Variants in CDC14A observed in about 807,000 individuals in gnomAD.
CDC14A encodes the protein cell division cycle 14A.
In CDC14A, 53 loss-of-function variants were observed where a neutral mutation model predicts 74.4. The observed-to-expected ratio is 0.71, with a 90% CI of 0.57 to 0.89. CDC14A has a LOEUF of 0.89. Among genes scored for constraint, CDC14A ranks in the 40% least tolerant of loss-of-function variants. CDC14A has a pLI of 0.00. For missense variants in CDC14A, 646 were observed against 713.7 expected (o/e 0.91, Z 1.08); for synonymous variants, 247 against 258.4 (o/e 0.96, Z 0.43).
In CDC14A at chr1:100,496,018, G is replaced by A; in HGVS notation, c.1267G>A (p.Gly423Arg). The change falls in exon 13 of 16, where the codon GGA becomes AGA. Residue 423 changes from glycine (G) to arginine (R), a missense_variant. By Grantham distance (125) the Gly-to-Arg change is moderately radical. Coordinates refer to ENST00000336454, the MANE Select transcript of CDC14A (RefSeq NM_003672.4). ...SCAFRSDDTK[G>R]HPRAVSQPFR... ...TTTCCGCAGGTCAGATGATACAAAAGGACATCCAAGAGCAGTGTCCCAGCC... is the reference window on the plus strand; with the variant it reads ...TTTCCGCAGGTCAGATGATACAAAAAGACATCCAAGAGCAGTGTCCCAGCC... 6.2e-7 allele frequency: 1 copy of A among 1,613,850 alleles called. No individual in the cohort carries two copies. The highest frequency in any genetic ancestry group is 8.5e-7 in the Non-Finnish European group (1 of 1,179,788).
At chr1:100,487,436 C>G (rs1026252314) in intron 11 of CDC14A, among the ~76,000 whole-genome samples, 1 of 152,118 alleles carries the variant, frequency 6.6e-6, no homozygotes, top group Non-Finnish European at 1.5e-5. Flanking sequence ...ATGGCACATG[C>G]CTGTAGTCCC....
chr1:100,470,452 G>T (rs1270061114), intron 10 of CDC14A, among the ~76,000 whole-genome samples: 1 of 149,994 alleles, frequency 6.7e-6, no homozygotes, highest in Non-Finnish European at 1.5e-5. Context: ...GAAAAAAAAA[G>T]AAAGAAAAAA....
intron 5 of CDC14A, among the ~76,000 whole-genome samples, chr1:100,429,330 G>A (rs900338459): frequency 1.2e-4 from 18 of 151,926 alleles, no homozygotes; most frequent in Non-Finnish European, 5.9e-5. Context: ...TATCCAGAGA[G>A]CATGGCATGA....
chr1:100,509,288 C>A (rs545571656), intron 15 of CDC14A, among the ~76,000 whole-genome samples: 10 of 152,252 alleles, frequency 6.6e-5, no homozygotes, highest in Admixed American at 2.0e-4. Context: ...TTTTTGAAGT[C>A]ATTCTGTTTG....
At chr1:100,499,303 A>T in intron 15 of CDC14A, 41 bp downstream of exon 15, 1 of 1,614,178 alleles carries the variant, frequency 6.2e-7, no homozygotes, top group Non-Finnish European at 8.5e-7. Flanking sequence ...CAGAACCCTG[A>T]ATGCAACTTC....
intron 15 of CDC14A, among the ~76,000 whole-genome samples, chr1:100,506,154 T>C (rs1293414737): frequency 6.6e-6 from 1 of 152,208 alleles, no homozygotes; most frequent in Non-Finnish European, 1.5e-5. Context: ...ACATCCAAAC[T>C]ATATCAATAT....
intron 9 of CDC14A, among the ~76,000 whole-genome samples, chr1:100,465,080 C>G (rs904751671): frequency 6.6e-6 from 1 of 151,990 alleles, no homozygotes; most frequent in East Asian, 1.9e-4. Context: ...TGCCCACCAC[C>G]ACTCCTGGCT....
intron 2 of CDC14A, among the ~76,000 whole-genome samples, chr1:100,371,701 G>A (rs940332446): frequency 6.6e-6 from 1 of 152,056 alleles, no homozygotes; most frequent in African/African-American, 2.4e-5. Context: ...TTGGTTTTTG[G>A]AGGATTTTTA....
intron 5 of CDC14A, among the ~76,000 whole-genome samples, chr1:100,434,096 C>A (rs1664037799): frequency 6.6e-6 from 1 of 152,156 alleles, no homozygotes; most frequent in African/African-American, 2.4e-5. Context: ...AAATATTATT[C>A]ATTTAGTTTT....
rs114929222 is a variant in CDC14A, at chr1:100,511,792, C to T, written c.1756-6459C>T. Among the ~76,000 whole-genome samples, 1,039 of 152,320 alleles carry T rather than the reference C, an allele frequency of 6.8e-3. 5 individuals carry two copies. The highest frequency in any genetic ancestry group is 0.011 in the Non-Finnish European group (734 of 68,040). On this transcript the variant is annotated intron_variant, in intron 15 of 15. Transcript: ENST00000336454. ...GGGGTCTTCATGAACTATCGCATAG[C>T]CCTTTCTGTCTTCCTGTCTCTTACC...
At chr1:100,373,088 T>C (rs1570984834) in intron 2 of CDC14A, among the ~76,000 whole-genome samples, 1 of 152,250 alleles carries the variant, frequency 6.6e-6, no homozygotes, top group African/African-American at 2.4e-5. Flanking sequence ...GCTTTTGGCC[T>C]ATCTTGGCTT....
chr1:100,408,316 A>G (rs891875685), intron 4 of CDC14A, among the ~76,000 whole-genome samples: 10 of 152,220 alleles, frequency 6.6e-5, no homozygotes, highest in African/African-American at 9.7e-5. Context: ...CCATTCTACC[A>G]TTGATGGGTA....
chr1:100,450,568 G>A (rs1666033456), intron 7 of CDC14A, among the ~76,000 whole-genome samples: 1 of 152,150 alleles, frequency 6.6e-6, no homozygotes, highest in Non-Finnish European at 1.5e-5. Context: ...TTCTCCTGGA[G>A]CTGTCTGGTA....
chr1:100,476,576 C>A (rs1668927259), intron 10 of CDC14A, among the ~76,000 whole-genome samples: 1 of 151,494 alleles, frequency 6.6e-6, no homozygotes, highest in Non-Finnish European at 1.5e-5. Context: ...AGGTTCCAAC[C>A]AATCTGCCTT....
At chr1:100,473,365 A>G (rs1668569761) in intron 10 of CDC14A, among the ~76,000 whole-genome samples, 3 of 151,958 alleles carry the variant, frequency 2.0e-5, no homozygotes, top group Admixed American at 1.3e-4. Flanking sequence ...GTATGTAGAA[A>G]TACAATTGAT....
At chr1:100,397,966 G>A (rs1162796330) in intron 4 of CDC14A, among the ~76,000 whole-genome samples, 1 of 152,234 alleles carries the variant, frequency 6.6e-6, no homozygotes, top group Non-Finnish European at 1.5e-5. Context: ...TAATTGCAAA[G>A]AAGCCATTCT....
chr1:100,506,812 AAG>A (rs1649276001), intron 15 of CDC14A, among the ~76,000 whole-genome samples: 1 of 152,230 alleles, frequency 6.6e-6, no homozygotes, highest in East Asian at 1.9e-4. Flanking sequence ...GTCAATAGAA[AAG>A]AGTCTTATTT....
intron 5 of CDC14A, among the ~76,000 whole-genome samples, chr1:100,437,592 A>G (rs1664488191): frequency 6.6e-6 from 1 of 152,146 alleles, no homozygotes; most frequent in Admixed American, 6.5e-5. Context: ...TGACTTGCCT[A>G]GTTCTGTCGG....
intron 3 of CDC14A, among the ~76,000 whole-genome samples, chr1:100,381,707 C>T (rs921165345): frequency 5.3e-5 from 8 of 152,038 alleles, no homozygotes; most frequent in African/African-American, 1.9e-4. Context: ...TTATGTCAAT[C>T]AGAATGGAAA....
Sources: gnomAD v4.1 joint callset for allele counts (sites outside exome capture counted in the v4.1 genomes callset) on GRCh38, gnomAD v4.1.1 for gene constraint, MANE v1.5 for transcripts, NCBI Gene and HGNC (gene_info 2026-07-23, HGNC 2026-07-21) for gene names.